PIK3C2G: variants seen among roughly 807,000 people sequenced by gnomAD.
PIK3C2G encodes the protein phosphatidylinositol 3-kinase C2 domain-containing subunit gamma.
A neutral mutation model predicts 181.1 loss-of-function variants in PIK3C2G; 168 were observed. That is an observed-to-expected ratio of 0.93 (90% CI 0.82 to 1.05). The LOEUF (loss-of-function observed/expected upper bound fraction) is 1.05, where lower values mean the gene tolerates loss of function less well. Among genes scored for constraint, PIK3C2G ranks in the 50% least tolerant of loss-of-function variants. PIK3C2G has a pLI of 0.00. For missense variants in PIK3C2G, 1,869 were observed against 1,732.8 expected (o/e 1.08, Z -1.40); for synonymous variants, 573 against 592.2 (o/e 0.97, Z 0.47).
At chr12:18,683,262 C>A in the PIK3C2G span, 1 of 1,612,370 alleles carries the variant, frequency 6.2e-7, no homozygotes, top group East Asian at 2.2e-5. Flanking sequence ...CAAACATAAA[C>A]AAACAGTGAA....
chr12:18,309,741 T>C (rs976042358), intron 5 of PIK3C2G, among the ~76,000 whole-genome samples: 12 of 151,880 alleles, frequency 7.9e-5, no homozygotes, highest in South Asian at 2.1e-4. Flanking sequence ...TATTTTTAAG[T>C]GACACTGATT....
intron 32 of PIK3C2G, among the ~76,000 whole-genome samples, chr12:18,643,963 C>T (rs1273117648): frequency 2.0e-5 from 3 of 152,168 alleles, no homozygotes; most frequent in African/African-American, 7.2e-5. Context: ...GAAGATATTA[C>T]ACTGCATACC....
chr12:18,458,218 T>A (rs921156), intron 18 of PIK3C2G, among the ~76,000 whole-genome samples: 23,556 of 152,056 alleles, frequency 0.15, 2,077 homozygotes, highest in African/African-American at 0.24. Context: ...CAAAAGTGGA[T>A]TAAACATTTT....
chr12:18,652,019 TTTTC>T (rs1218498595), downstream of PIK3C2G, among the ~76,000 whole-genome samples: 1 of 152,168 alleles, frequency 6.6e-6, no homozygotes, highest in East Asian at 1.9e-4. Context: ...ATAAAACATA[TTTTC>T]TTTGTTAGTT....
At chr12:18,643,819 C>G (rs1206893879) in intron 32 of PIK3C2G, among the ~76,000 whole-genome samples, 2 of 152,006 alleles carry the variant, frequency 1.3e-5, no homozygotes, top group East Asian at 3.9e-4. Flanking sequence ...CTTCCGCCGC[C>G]TCACTGAGTA....
intron 32 of PIK3C2G, among the ~76,000 whole-genome samples, chr12:18,645,173 T>G (rs10743276): frequency 6.6e-6 from 1 of 151,962 alleles, no homozygotes; most frequent in Non-Finnish European, 1.5e-5. Flanking sequence ...CCATTTTTTT[T>G]TGTTCTGAGT....
At chr12:18,362,964 G>T in intron 12 of PIK3C2G, 78 bp downstream of exon 12, 1 of 1,169,868 alleles carries the variant, frequency 8.5e-7, no homozygotes, top group South Asian at 1.8e-5. Context: ...AAAAGCAAGG[G>T]ATGTAATTTA....
chr12:18,497,990 GATTTT>G (rs1486213280), intron 22 of PIK3C2G, among the ~76,000 whole-genome samples: 4 of 151,964 alleles, frequency 2.6e-5, no homozygotes, highest in East Asian at 1.9e-4. Flanking sequence ...TGTTAACTGT[GATTTT>G]ATTTTATGTG....
the PIK3C2G span, among the ~76,000 whole-genome samples, chr12:18,708,789 T>G: frequency 6.6e-6 from 1 of 152,178 alleles, no homozygotes; most frequent in Non-Finnish European, 1.5e-5. Context: ...TTTCATATAC[T>G]TGTTGGCCAT....
intron 1 of PIK3C2G, among the ~76,000 whole-genome samples, chr12:18,274,024 T>G (rs770632369): frequency 1.3e-4 from 20 of 152,014 alleles, no homozygotes; most frequent in Non-Finnish European, 2.4e-4. Flanking sequence ...AAGAAGACAC[T>G]TACACAGCCA....
At chr12:18,258,012 T>G (rs1238063820), upstream of PIK3C2G, among the ~76,000 whole-genome samples, 1 of 152,208 alleles carries the variant, frequency 6.6e-6, no homozygotes, top group East Asian at 1.9e-4. Context: ...AGTGTCATTT[T>G]TAGATTTTCA....
the PIK3C2G span, among the ~76,000 whole-genome samples, chr12:18,688,511 A>G: frequency 2.6e-5 from 4 of 151,882 alleles, no homozygotes; most frequent in African/African-American, 9.7e-5. Context: ...CATTTCAGGG[A>G]ATTCAGGTCG....
chr12:18,516,855 G>T (rs1312388726), intron 24 of PIK3C2G, among the ~76,000 whole-genome samples: 2 of 151,638 alleles, frequency 1.3e-5, no homozygotes, highest in East Asian at 1.9e-4. Context: ...TTTATTTCTG[G>T]ATGGTTTTCC....
chr12:18,414,165 T>G (rs1945035725), intron 16 of PIK3C2G, among the ~76,000 whole-genome samples: 1 of 152,142 alleles, frequency 6.6e-6, no homozygotes, highest in South Asian at 2.1e-4. Context: ...CACGCAACAA[T>G]GTATACTCTT....
chr12:18,639,190 C>A (rs1013925569), intron 31 of PIK3C2G, among the ~76,000 whole-genome samples: 2 of 151,810 alleles, frequency 1.3e-5, no homozygotes, highest in Non-Finnish European at 2.9e-5. Flanking sequence ...AATAAAAACC[C>A]AAACTGTCTA....
At chr12:18,375,022 T>C (rs940833611) in intron 13 of PIK3C2G, among the ~76,000 whole-genome samples, 1 of 152,218 alleles carries the variant, frequency 6.6e-6, no homozygotes, top group African/African-American at 2.4e-5. Flanking sequence ...GGTATTTCCT[T>C]ACAGCAATGC....
intron 18 of PIK3C2G, among the ~76,000 whole-genome samples, chr12:18,473,295 T>C (rs1032573811): frequency 6.6e-6 from 1 of 152,240 alleles, no homozygotes; most frequent in Non-Finnish European, 1.5e-5. Context: ...TTGTTATTGT[T>C]GTTGTTTAAT....
chr12:18,594,416 T>C (rs977557000), intron 29 of PIK3C2G, 78 bp from the exon 30 acceptor site: 1 of 770,940 alleles, frequency 1.3e-6, no homozygotes, highest in African/African-American at 1.9e-5. Flanking sequence ...ATGATATATA[T>C]GGCAATTTTA....
At chr12:18,716,851 A>AT in the PIK3C2G span, among the ~76,000 whole-genome samples, 1 of 152,234 alleles carries the variant, frequency 6.6e-6, no homozygotes, top group African/African-American at 2.4e-5. Context: ...TAATAAAAAT[A>AT]AATTTAAGAA....
Sources: gnomAD v4.1 joint callset for allele counts (sites outside exome capture counted in the v4.1 genomes callset) on GRCh38, gnomAD v4.1.1 for gene constraint, MANE v1.5 for transcripts, NCBI Gene and HGNC (gene_info 2026-07-23, HGNC 2026-07-21) for gene names.